The following RASSF5 variants were observed in gnomAD, a reference collection of about 807,000 sequenced individuals.
RASSF5 encodes the protein Ras association domain family member 5.
RASSF5 carries 25 observed loss-of-function variants against 40.5 expected under a neutral mutation model. That is an observed-to-expected ratio of 0.62 (90% CI 0.45 to 0.86). The LOEUF is 0.86. RASSF5 is among the 40% of genes least tolerant of loss of function. RASSF5 has a pLI of 0.00. For synonymous variants in RASSF5, 246 were observed against 252.4 expected (o/e 0.97, Z 0.24); for missense variants, 521 against 572.8 (o/e 0.91, Z 0.92).
intron 1 of RASSF5, among the ~76,000 whole-genome samples, chr1:206,527,563 T>C (rs1291277204): frequency 1.3e-5 from 2 of 152,040 alleles, no homozygotes; most frequent in Non-Finnish European, 2.9e-5. Context: ...ACAGTATGGG[T>C]GGCTTCAGAA....
chr1:206,529,182 ACT>A (rs1371970509), intron 1 of RASSF5: 11 of 1,469,792 alleles, frequency 7.5e-6, no homozygotes, highest in Non-Finnish European at 1.0e-5. Flanking sequence ...CCAAACAGCT[ACT>A]CAGCTGCTTA....
chr1:206,541,570 C>T (rs1276228140), intron 2 of RASSF5, among the ~76,000 whole-genome samples: 2 of 152,172 alleles, frequency 1.3e-5, no homozygotes, highest in African/African-American at 4.8e-5. Flanking sequence ...GGAGTTTCTC[C>T]TTAAAGATCT....
At chr1:206,533,207 G>A (rs551971275) in intron 1 of RASSF5, among the ~76,000 whole-genome samples, 16 of 152,314 alleles carry the variant, frequency 1.1e-4, no homozygotes, top group South Asian at 6.2e-4. Context: ...GTTTGAAGTG[G>A]TGACTTGGCG....
chr1:206,508,096 C>A, intron 1 of RASSF5, 37 bp downstream of exon 1: 1 of 1,327,254 alleles, frequency 7.5e-7, no homozygotes. Context: ...TGCGGGGAGA[C>A]CGCAGTCTGG....
chr1:206,532,984 G>A (rs1667280774), intron 1 of RASSF5, among the ~76,000 whole-genome samples: 1 of 152,164 alleles, frequency 6.6e-6, no homozygotes, highest in Non-Finnish European at 1.5e-5. Flanking sequence ...CTGTGTGTGT[G>A]TGCATTTGGC....
intron 2 of RASSF5, among the ~76,000 whole-genome samples, chr1:206,556,793 G>A (rs1366353386): frequency 6.6e-6 from 1 of 152,070 alleles, no homozygotes; most frequent in Admixed American, 6.5e-5. Context: ...TAACCATTCC[G>A]ATTGACCCGG....
chr1:206,544,851 C>G (rs1667636101), intron 2 of RASSF5: 1 of 151,826 alleles, frequency 6.6e-6, no homozygotes, highest in Non-Finnish European at 1.5e-5. Context: ...GCAGACATGC[C>G]ACTGTCTGCA....
intron 1 of RASSF5, among the ~76,000 whole-genome samples, chr1:206,520,390 T>G (rs1553395924): frequency 6.6e-6 from 1 of 152,130 alleles, no homozygotes; most frequent in African/African-American, 2.4e-5. Flanking sequence ...GCAGATCACC[T>G]GAGGTCAGGA....
At chr1:206,554,322 A>T (rs781939645) in intron 2 of RASSF5, among the ~76,000 whole-genome samples, 1 of 152,254 alleles carries the variant, frequency 6.6e-6, no homozygotes, top group Non-Finnish European at 1.5e-5. Context: ...CCAGTCCTGT[A>T]TCACAGCTTT....
chr1:206,516,360 G>A (rs539804733), intron 1 of RASSF5, among the ~76,000 whole-genome samples: 2 of 152,274 alleles, frequency 1.3e-5, no homozygotes, highest in African/African-American at 4.8e-5. Flanking sequence ...GGCTTAACCT[G>A]TCAAAGAACA....
chr1:206,586,235 G>A (rs1347342456), intron 5 of RASSF5: 1 of 153,762 alleles, frequency 6.5e-6, no homozygotes, highest in African/African-American at 2.4e-5. Flanking sequence ...CACAGGGCTT[G>A]TGCTCTTGGG....
At chr1:206,536,038 G>C (rs919848189) in intron 1 of RASSF5, among the ~76,000 whole-genome samples, 2 of 152,178 alleles carry the variant, frequency 1.3e-5, no homozygotes, top group African/African-American at 4.8e-5. Flanking sequence ...GAACAATGCT[G>C]CCCATTGTGG....
intron 2 of RASSF5, chr1:206,544,965 A>G (rs1326268114): frequency 6.6e-6 from 1 of 151,722 alleles, no homozygotes; most frequent in Non-Finnish European, 1.5e-5. Flanking sequence ...TGAACCCAGG[A>G]TGACCACGTG....
chr1:206,545,719 A>G (rs1218954879), intron 2 of RASSF5, among the ~76,000 whole-genome samples: 1 of 152,152 alleles, frequency 6.6e-6, no homozygotes, highest in Non-Finnish European at 1.5e-5. Flanking sequence ...CTCTACTATG[A>G]AATCTACTTT....
At chr1:206,562,780 A>G (rs1668177887) in intron 2 of RASSF5, among the ~76,000 whole-genome samples, 1 of 152,182 alleles carries the variant, frequency 6.6e-6, no homozygotes, top group Admixed American at 6.5e-5. Context: ...AAAAATAGAA[A>G]AAATTAGCCA....
intron 1 of RASSF5, among the ~76,000 whole-genome samples, chr1:206,518,879 C>T (rs952471085): frequency 1.3e-4 from 20 of 150,932 alleles, no homozygotes; most frequent in African/African-American, 4.6e-4. Context: ...ATGGGTATCT[C>T]GGATGGCCAC....
chr1:206,550,313 G>T (rs1049436623), intron 2 of RASSF5, among the ~76,000 whole-genome samples: 38 of 152,102 alleles, frequency 2.5e-4, no homozygotes, highest in African/African-American at 6.8e-4. Context: ...ACTCCCCCAG[G>T]CACTGTTCTA....
chr1:206,558,489 A>C (rs1668053967), intron 2 of RASSF5, among the ~76,000 whole-genome samples: 1 of 151,680 alleles, frequency 6.6e-6, no homozygotes, highest in African/African-American at 2.4e-5. Flanking sequence ...GTCCTTAGAG[A>C]GGTTACCTAG....
chr1:206,562,239 TG>T (rs1553402778), intron 2 of RASSF5, among the ~76,000 whole-genome samples: 1 of 152,184 alleles, frequency 6.6e-6, no homozygotes, highest in African/African-American at 2.4e-5. Context: ...CTGGGACAGT[TG>T]GGGAGGTCCC....
Sources: gnomAD v4.1 joint callset for allele counts (sites outside exome capture counted in the v4.1 genomes callset) on GRCh38, gnomAD v4.1.1 for gene constraint, MANE v1.5 for transcripts, NCBI Gene and HGNC (gene_info 2026-07-23, HGNC 2026-07-21) for gene names.